The following RYR2 variants were observed in gnomAD, a reference collection of about 807,000 sequenced individuals.
The protein encoded by RYR2 is ryanodine receptor 2.
Under a neutral mutation model 601.1 loss-of-function variants are expected in RYR2, and 227 were observed. That is an observed-to-expected ratio of 0.38 (90% CI 0.34 to 0.42). RYR2 has a LOEUF of 0.42. RYR2 is among the 10% of genes least tolerant of loss of function. RYR2 has a pLI of 1.00. For synonymous variants in RYR2, 2,223 were observed against 2,175.1 expected (o/e 1.02, Z -0.61); for missense variants, 4,646 against 6,156.5 (o/e 0.75, Z 8.21).
chr1:237,472,715 G>T (rs1415889949), intron 17 of RYR2, among the ~76,000 whole-genome samples: 1 of 151,106 alleles, frequency 6.6e-6, no homozygotes, highest in African/African-American at 2.4e-5. Context: ...AAAGTAGAAA[G>T]AAATAAATGA....
intron 17 of RYR2, among the ~76,000 whole-genome samples, chr1:237,482,622 C>T (rs1662242659): frequency 6.6e-6 from 1 of 152,104 alleles, no homozygotes; most frequent in Non-Finnish European, 1.5e-5. Flanking sequence ...ATTTAGGTTG[C>T]TTCCAAATCA....
At chr1:237,208,039 G>A (rs1001046908) in intron 1 of RYR2, among the ~76,000 whole-genome samples, 4 of 152,184 alleles carry the variant, frequency 2.6e-5, no homozygotes, top group Non-Finnish European at 5.9e-5. Context: ...TACCTCCCAG[G>A]ATGAACTGAT....
At chr1:237,278,336 C>T (rs1156369222) in intron 2 of RYR2, among the ~76,000 whole-genome samples, 1 of 141,442 alleles carries the variant, frequency 7.1e-6, no homozygotes, top group Non-Finnish European at 1.5e-5. Context: ...AGCGATCTTC[C>T]TTCCTCAGCC....
chr1:237,475,381 T>C (rs1382323441), intron 17 of RYR2, among the ~76,000 whole-genome samples: 1 of 152,208 alleles, frequency 6.6e-6, no homozygotes, highest in Admixed American at 6.5e-5. Context: ...TAAGCTAAAA[T>C]TTCTAAGCAG....
intron 1 of RYR2, among the ~76,000 whole-genome samples, chr1:237,095,562 A>G (rs991313482): frequency 6.6e-6 from 1 of 152,220 alleles, no homozygotes; most frequent in Admixed American, 6.5e-5. Context: ...ACTCAAGGGA[A>G]GTACCCACAA....
chr1:237,504,333 AATATTTTGCGGGCAG>A lies in RYR2; in HGVS notation c.2613+829_2613+843del, dbSNP rs1366583732. Among the ~76,000 whole-genome samples the A allele has an allele frequency of 3.8e-4, 58 of 152,260 alleles. No homozygotes were observed. In the East Asian group the frequency reaches 0.01, roughly 27 times the overall value. ...TGGGATAGGCAGTGAAGTTAAGAGC[AATATTTTGCGGGCAG>A]GGGTGGATCTCACAAAGTACATTCT... On this transcript the variant is annotated intron_variant, in intron 22 of 104. Coordinates refer to ENST00000366574, the MANE Select transcript of RYR2 (RefSeq NM_001035.3).
intron 12 of RYR2, among the ~76,000 whole-genome samples, chr1:237,425,418 T>C (rs1706053011): frequency 6.6e-6 from 1 of 152,032 alleles, no homozygotes; most frequent in Admixed American, 6.6e-5. Flanking sequence ...TCCCAGCACT[T>C]TGGGAGGCCG....
At chr1:237,670,326 A>AGGGAGAGGGAGAC (rs1035584869) in intron 58 of RYR2, among the ~76,000 whole-genome samples, 1 of 86,782 alleles carries the variant, frequency 1.2e-5, no homozygotes, top group Non-Finnish European at 2.2e-5. Context: ...GGAGAGGGAG[A>AGGGAGAGGGAGAC]GGGAGAGGGA....
chr1:237,171,270 ATATT>A (rs1163856670), intron 1 of RYR2, among the ~76,000 whole-genome samples: 1 of 152,096 alleles, frequency 6.6e-6, no homozygotes, highest in Admixed American at 6.6e-5. Flanking sequence ...TTAAAAAAAA[ATATT>A]TAAAGTACTC....
intron 1 of RYR2, among the ~76,000 whole-genome samples, chr1:237,046,154 A>T (rs1345934129): frequency 1.3e-5 from 2 of 152,176 alleles, no homozygotes; most frequent in African/African-American, 4.8e-5. Flanking sequence ...ACTCATCTAC[A>T]AATGGTGACA....
At chr1:237,070,513 T>G (rs78523282) in intron 1 of RYR2, among the ~76,000 whole-genome samples, 2,952 of 152,284 alleles carry the variant, frequency 0.019, 91 homozygotes, top group African/African-American at 0.067. Context: ...TTAGGGTGTT[T>G]CTTTACCAGC....
intron 1 of RYR2, among the ~76,000 whole-genome samples, chr1:237,161,891 C>A (rs1676055371): frequency 6.6e-6 from 1 of 152,054 alleles, no homozygotes; most frequent in South Asian, 2.1e-4. Flanking sequence ...TTCCAAAACC[C>A]ACCTGTTTTC....
At chr1:237,159,806 C>T (rs1255436835) in intron 1 of RYR2, among the ~76,000 whole-genome samples, 1 of 152,192 alleles carries the variant, frequency 6.6e-6, no homozygotes, top group Non-Finnish European at 1.5e-5. Flanking sequence ...GGAAATAAAA[C>T]ATACAAATCT....
rs1348503636 is a variant in RYR2, at chr1:237,180,466, A to G, written c.49-90031A>G. ...TTTCCAGTACACAACTTGGCTTTAT[A>G]GCCCTTGGACACTTTCCCAACTTTT... On this transcript the variant is annotated intron_variant, in intron 1 of 104. Coordinates refer to ENST00000366574, the MANE Select transcript of RYR2 (RefSeq NM_001035.3). The surrounding 1 kb of genome is among the most constrained non-coding windows in gnomAD (Gnocchi z 5.3). Among the ~76,000 whole-genome samples, 2 of 151,962 alleles carry G rather than the reference A, an allele frequency of 1.3e-5. No individual in the cohort carries two copies. The highest frequency in any genetic ancestry group is 2.4e-5 in the African/African-American group (1 of 41,360).
At chr1:237,485,298 C>G (rs1229812801) in intron 17 of RYR2, among the ~76,000 whole-genome samples, 1 of 152,018 alleles carries the variant, frequency 6.6e-6, no homozygotes, top group Non-Finnish European at 1.5e-5. Flanking sequence ...AATGTGAGAA[C>G]CAACAGTCCA....
chr1:237,178,930 A>C (rs962312697), intron 1 of RYR2, among the ~76,000 whole-genome samples: 2 of 152,184 alleles, frequency 1.3e-5, no homozygotes. Flanking sequence ...TTTTTCAAAA[A>C]ATATATAAAC....
intron 1 of RYR2, among the ~76,000 whole-genome samples, chr1:237,196,355 T>C (rs927697420): frequency 6.6e-6 from 1 of 152,172 alleles, no homozygotes; most frequent in African/African-American, 2.4e-5. Context: ...TCAAAGTGTT[T>C]TCATTTGCAT....
intron 1 of RYR2, among the ~76,000 whole-genome samples, chr1:237,168,702 C>A (rs1226297098): frequency 8.7e-5 from 3 of 34,312 alleles, no homozygotes; most frequent in East Asian, 1.5e-3. Context: ...TCTGTTCTTG[C>A]TAAATGTGTG....
chr1:237,662,137 C>A (rs904833786), intron 56 of RYR2, among the ~76,000 whole-genome samples: 3 of 151,382 alleles, frequency 2.0e-5, no homozygotes, highest in African/African-American at 7.3e-5. Flanking sequence ...ATAAATTTGA[C>A]CTTGGTCAAA....
Sources: allele counts gnomAD v4.1 joint callset (sites outside exome capture counted in the v4.1 genomes callset), GRCh38; gene constraint gnomAD v4.1.1; non-coding constraint Gnocchi (gnomAD v3.1); transcripts MANE v1.5; gene names NCBI Gene and HGNC (gene_info 2026-07-23, HGNC 2026-07-21).